APBB1IP: variants seen among roughly 807,000 people sequenced by gnomAD.
APBB1IP encodes amyloid beta precursor protein binding family B member 1 interacting protein.
Under a neutral mutation model 64.9 loss-of-function variants are expected in APBB1IP, and 27 were observed. The ratio of observed to expected loss-of-function variants is 0.42; its 90% CI spans 0.31 to 0.57. The LOEUF (loss-of-function observed/expected upper bound fraction) is 0.57, where lower values mean the gene tolerates loss of function less well. Among genes scored for constraint, APBB1IP ranks in the 20% least tolerant of loss-of-function variants. APBB1IP has a pLI of 0.20. For synonymous variants in APBB1IP, 392 were observed against 331.0 expected (o/e 1.18, Z -2.00); for missense variants, 812 against 845.5 (o/e 0.96, Z 0.49).
intron 5 of APBB1IP, among the ~76,000 whole-genome samples, chr10:26,502,089 T>C (rs1360731291): frequency 6.6e-6 from 1 of 152,228 alleles, no homozygotes; most frequent in Non-Finnish European, 1.5e-5. Context: ...AATGGACTTG[T>C]GAAGCTTTAT....
chr10:26,564,523 C>A (rs1368123085), intron 14 of APBB1IP, among the ~76,000 whole-genome samples: 1 of 152,204 alleles, frequency 6.6e-6, no homozygotes, highest in Admixed American at 6.5e-5. Context: ...GGTAAACTGT[C>A]CAGACATAGT....
At chr10:26,495,363 C>T (rs533756484) in intron 3 of APBB1IP, among the ~76,000 whole-genome samples, 189 of 122,962 alleles carry the variant, frequency 1.5e-3, no homozygotes, top group African/African-American at 4.7e-3. Flanking sequence ...TTTAAGTGAA[C>T]GTGTGTGGTC....
chr10:26,520,447 A>T (rs946550399), intron 8 of APBB1IP, among the ~76,000 whole-genome samples: 1 of 152,090 alleles, frequency 6.6e-6, no homozygotes, highest in Non-Finnish European at 1.5e-5. Context: ...ACTGTAAAAA[A>T]CTCTTTAAAA....
intron 2 of APBB1IP, among the ~76,000 whole-genome samples, chr10:26,453,359 G>A (rs1835485798): frequency 6.6e-6 from 1 of 152,098 alleles, no homozygotes; most frequent in African/African-American, 2.4e-5. Context: ...TGGTGTGCTG[G>A]GCATGGACTG....
rs1463404738 is a variant in APBB1IP, at chr10:26,562,367, C to CA, written c.1412dup (p.Ala472GlyfsTer17). The stretch of plus-strand genomic sequence containing the variant: ...CACCCAGCCCAATGGACAGATTCCC[C>CA]AGGCTACACATTCTGTCAGTGCTGT... On this transcript the variant is annotated frameshift_variant, in exon 14 of 15. Transcript: ENST00000376236. LOFTEE classifies it high-confidence loss of function. 6.2e-7 allele frequency: 1 copy of CA among 1,614,012 alleles called. No homozygotes were observed. Among genetic ancestry groups the CA allele is most frequent in the Admixed American group, 1.7e-5 (1 of 60,020 alleles).
At chr10:26,525,014 C>T (rs1295567271) in intron 8 of APBB1IP, among the ~76,000 whole-genome samples, 1 of 132,284 alleles carries the variant, frequency 7.6e-6, no homozygotes, top group Non-Finnish European at 1.5e-5. Context: ...AAAAGTCAGG[C>T]ACAGTGGCTC....
At chr10:26,491,136 G>A (rs900094550) in intron 2 of APBB1IP, among the ~76,000 whole-genome samples, 25 of 152,018 alleles carry the variant, frequency 1.6e-4, no homozygotes, top group South Asian at 4.1e-4. Context: ...AAAATTAGCC[G>A]GGCATGGTGG....
Position 26,561,173 on chromosome 10 carries a change from G to T in APBB1IP, c.1369+329G>T, listed in dbSNP as rs548677918. On this transcript the variant is annotated intron_variant, in intron 13 of 14. Coordinates refer to ENST00000376236, the MANE Select transcript of APBB1IP (RefSeq NM_019043.4). ...AAGCTCCGCCTCCTGGGTTCACACC[G>T]TTCTCCTGCCTCAGCCTCCTGAGTA... Among the ~76,000 whole-genome samples, 13 of 131,356 alleles carry T rather than the reference G, an allele frequency of 9.9e-5. No individual in the cohort carries two copies. The Admixed American group carries it at 1.1e-3, about 11-fold the overall frequency. The allele number at this position is 131,356 out of a possible 152,430, so 86.2% of individuals were successfully genotyped here.
chr10:26,553,660 C>T (rs894729378), intron 11 of APBB1IP, among the ~76,000 whole-genome samples: 1 of 152,040 alleles, frequency 6.6e-6, no homozygotes, highest in Non-Finnish European at 1.5e-5. Context: ...CCTTTCTCTA[C>T]GAATGTATAC....
In APBB1IP at chr10:26,502,672, C is replaced by A. The variant is rs558997922; in HGVS notation, c.454-525C>A. Among the ~76,000 whole-genome samples the A allele has an allele frequency of 3.3e-5, 5 of 151,870 alleles. No homozygotes were observed. In the East Asian group the frequency reaches 9.7e-4, roughly 29 times the overall value. ...AAAAAAAAAAATCAGTCTCTCTTAA[C>A]CTTTGGGGGCATTAAGAACCCCTTT... On this transcript the variant is annotated intron_variant, in intron 5 of 14. Coordinates refer to ENST00000376236, the MANE Select transcript of APBB1IP (RefSeq NM_019043.4).
chr10:26,478,614 C>CAAA (rs35115510), intron 2 of APBB1IP, among the ~76,000 whole-genome samples: 1 of 125,186 alleles, frequency 8.0e-6, no homozygotes. Flanking sequence ...GACTCCGTCT[C>CAAA]AAAAAAAAAA....
At chr10:26,530,017 A>C (rs1285450328) in intron 8 of APBB1IP, among the ~76,000 whole-genome samples, 5 of 152,170 alleles carry the variant, frequency 3.3e-5, no homozygotes, top group Non-Finnish European at 5.9e-5. Flanking sequence ...TTCCTAAGCC[A>C]AGGTTTGCTT....
At chr10:26,509,488 C>G (rs1002489798) in intron 6 of APBB1IP, 3 of 152,198 alleles carry the variant, frequency 2.0e-5, no homozygotes, top group African/African-American at 7.2e-5. Flanking sequence ...TGGTTACCAC[C>G]ACACACACCC....
At position 26,536,105 on chromosome 10, in the gene APBB1IP, C is replaced by T; in HGVS notation, c.932C>T (p.Pro311Leu). The T allele has an allele frequency of 6.3e-7, 1 of 1,598,830 alleles. No individual in the cohort carries two copies. The highest frequency in any genetic ancestry group is 1.1e-5 in the South Asian group (1 of 87,382). Residue 311 changes from proline (P) to leucine (L), a missense_variant, in exon 10 of 15, where the codon CCA becomes CTA. Pro to Leu is a moderately conservative substitution (Grantham distance 98). Transcript: ENST00000376236. ...TTCTGTGGAACATCTATCATTGTAC[C>T]AGAACTGGAAGGAGCTCTTTATTTG... ...ESFCGTSIIV[P>L]ELEGALYLKE...
chr10:26,462,168 G>A (rs2065754), intron 2 of APBB1IP, among the ~76,000 whole-genome samples: 54,591 of 150,182 alleles, frequency 0.36, 9,868 homozygotes, highest in South Asian at 0.5. Context: ...AAAACCTGAA[G>A]TATTTGCTGT....
At chr10:26,502,035 G>A (rs749323692) in intron 5 of APBB1IP, 34 of 152,144 alleles carry the variant, frequency 2.2e-4, no homozygotes, top group African/African-American at 3.1e-4. Flanking sequence ...TGAAGATTTC[G>A]AGGGGGCCAT....
chr10:26,463,257 G>A (rs1835613666), intron 2 of APBB1IP, among the ~76,000 whole-genome samples: 1 of 152,104 alleles, frequency 6.6e-6, no homozygotes, highest in African/African-American at 2.4e-5. Context: ...GGGCAAGATA[G>A]TGAGATCCCA....
At chr10:26,520,101 C>T (rs372173413) in intron 8 of APBB1IP, among the ~76,000 whole-genome samples, 3 of 152,154 alleles carry the variant, frequency 2.0e-5, no homozygotes, top group South Asian at 2.1e-4. Context: ...TGCTTGAGCA[C>T]AAGATGTCAA....
At chr10:26,513,478 T>G in intron 7 of APBB1IP, 61 bp from the exon 8 acceptor site, 1 of 1,592,486 alleles carries the variant, frequency 6.3e-7, no homozygotes, top group Non-Finnish European at 8.5e-7. Flanking sequence ...TAATAGCTTG[T>G]TTCTCACTTG....
Sources: gnomAD v4.1 joint callset for allele counts (sites outside exome capture counted in the v4.1 genomes callset) on GRCh38, gnomAD v4.1.1 for gene constraint, MANE v1.5 for transcripts, NCBI Gene and HGNC (gene_info 2026-07-23, HGNC 2026-07-21) for gene names.